Variants in FAT3 observed in about 807,000 individuals in gnomAD.
FAT3 encodes protocadherin Fat 3.
Under a neutral mutation model 310.2 loss-of-function variants are expected in FAT3, and 95 were observed. That is an observed-to-expected ratio of 0.31 (90% CI 0.26 to 0.36). The LOEUF (loss-of-function observed/expected upper bound fraction) is 0.36. FAT3 is among the 10% of genes least tolerant of loss of function. The pLI is 1.00. For missense variants in FAT3, 5,408 were observed against 5,715.6 expected (o/e 0.95, Z 1.74); for synonymous variants, 2,314 against 2,192.9 (o/e 1.06, Z -1.54).
chr11:92,490,605 T>C (rs1952572493), intron 2 of FAT3, among the ~76,000 whole-genome samples: 1 of 152,142 alleles, frequency 6.6e-6, no homozygotes, highest in Non-Finnish European at 1.5e-5. Flanking sequence ...AAGTGATTAT[T>C]ATTTCTAATT....
chr11:92,769,738 C>T (rs553799014), intron 6 of FAT3, among the ~76,000 whole-genome samples: 25 of 152,292 alleles, frequency 1.6e-4, no homozygotes, highest in African/African-American at 5.3e-4. Context: ...AGTGATAGAA[C>T]GTAGTTCCAA....
In FAT3 at chr11:92,800,405, G is replaced by C. The variant is rs1947304829; in HGVS notation, c.7392G>C (p.Leu2464=). The change falls in exon 10 of 28, where the codon CTG becomes CTC. Residue 2464 remains leucine (L), a synonymous_variant. Coordinates refer to ENST00000525166, the MANE Select transcript of FAT3 (RefSeq NM_001367949.2). ...SNHRKQRMEP[L]YSLNVSVSDG... is the part of the protein sequence containing the mutation. ...ATCGGAAGCAGCGGATGGAGCCTCT[G>C]TACAGTCTCAATGTGTCTGTCTCTG... The C allele has an allele frequency of 7.4e-6, 12 of 1,614,012 alleles. No homozygotes were observed. Among genetic ancestry groups the C allele is most frequent in the Non-Finnish European group, 1.0e-5 (12 of 1,179,880 alleles).
chr11:92,366,928 G>T, intron 2 of FAT3: 1 of 531,012 alleles, frequency 1.9e-6, no homozygotes, highest in South Asian at 1.4e-5. Flanking sequence ...CCTGGGCCTC[G>T]CCATGCTTTG....
chr11:92,266,389 C>T (rs780844476), intron 1 of FAT3, among the ~76,000 whole-genome samples: 30 of 152,122 alleles, frequency 2.0e-4, no homozygotes, highest in South Asian at 4.1e-4. Context: ...GTGTTTGACA[C>T]GTACAAATCC....
intron 3 of FAT3, among the ~76,000 whole-genome samples, chr11:92,540,737 A>ATGTT (rs1954419835): frequency 7.5e-6 from 1 of 134,168 alleles, no homozygotes; most frequent in African/African-American, 2.7e-5. Context: ...GAACTATGGC[A>ATGTT]TGTTTTTGTT....
chr11:92,720,905 G>A (rs1944841026), intron 4 of FAT3, among the ~76,000 whole-genome samples: 1 of 152,134 alleles, frequency 6.6e-6, no homozygotes, highest in African/African-American at 2.4e-5. Context: ...TTGTGTGATA[G>A]TCCAGGATTC....
intron 2 of FAT3, among the ~76,000 whole-genome samples, chr11:92,426,457 A>G (rs766287774): frequency 1.3e-5 from 2 of 152,144 alleles, no homozygotes; most frequent in African/African-American, 2.4e-5. Context: ...GCCCATGCCT[A>G]TGTCCTGAAA....
chr11:92,484,509 T>C (rs1372942085), intron 2 of FAT3, among the ~76,000 whole-genome samples: 1 of 152,132 alleles, frequency 6.6e-6, no homozygotes, highest in Non-Finnish European at 1.5e-5. Flanking sequence ...AGGGCGATGA[T>C]GAAAAACTAC....
intron 4 of FAT3, among the ~76,000 whole-genome samples, chr11:92,701,512 A>G (rs112590320): frequency 2.0e-5 from 3 of 152,242 alleles, no homozygotes; most frequent in Non-Finnish European, 4.4e-5. Context: ...ATACTTCTTC[A>G]GTGAATTCTA....
At chr11:92,368,107 C>T (rs1434190587) in intron 2 of FAT3, among the ~76,000 whole-genome samples, 1 of 152,144 alleles carries the variant, frequency 6.6e-6, no homozygotes, top group Non-Finnish European at 1.5e-5. Flanking sequence ...TGACACACCT[C>T]TCTAATGTTT....
chr11:92,321,905 TA>T (rs2134498147), intron 1 of FAT3, among the ~76,000 whole-genome samples: 1 of 152,298 alleles, frequency 6.6e-6, no homozygotes, highest in East Asian at 1.9e-4. Context: ...CAAGAGAGTA[TA>T]AACCAGATCA....
intron 18 of FAT3, among the ~76,000 whole-genome samples, chr11:92,843,372 T>C (rs1196178645): frequency 6.6e-6 from 1 of 152,234 alleles, no homozygotes; most frequent in East Asian, 1.9e-4. Flanking sequence ...GGATGTTCTG[T>C]TCATTCTTAC....
rs139228745 is a variant in FAT3 at position 92,460,409 on chromosome 11, G to A, written c.3293-64225G>A. 3.9e-5 allele frequency among the ~76,000 whole-genome samples: 6 copies of A among 152,246 alleles called. No individual in the cohort carries two copies. The East Asian group carries it at 1.2e-3, about 29-fold the overall frequency. On this transcript the variant is annotated intron_variant, in intron 2 of 27. Transcript: ENST00000525166. The stretch of plus-strand genomic sequence containing the variant: ...ACAGGTCCAGCTCTAACCCACAGGC[G>A]AACGGCAGGGCTGGACTAATTACGC...
At chr11:92,821,259 G>C (rs1044946233) in intron 13 of FAT3, among the ~76,000 whole-genome samples, 1 of 152,190 alleles carries the variant, frequency 6.6e-6, no homozygotes, top group East Asian at 1.9e-4. Flanking sequence ...GGATTGAAAA[G>C]GAGATTATCA....
intron 9 of FAT3, among the ~76,000 whole-genome samples, chr11:92,793,210 T>G (rs1286359629): frequency 2.6e-5 from 4 of 152,196 alleles, no homozygotes; most frequent in Admixed American, 1.3e-4. Flanking sequence ...TGTTTGATCT[T>G]GGATTTTTCT....
chr11:92,855,701 G>C (rs778439654), intron 19 of FAT3, among the ~76,000 whole-genome samples: 15 of 152,292 alleles, frequency 9.8e-5, no homozygotes, highest in Non-Finnish European at 1.6e-4. Context: ...GTATTTCAGG[G>C]CATTTAAGTA....
At chr11:92,588,638 T>TGAGG (rs1555092613) in intron 3 of FAT3, among the ~76,000 whole-genome samples, 1 of 151,886 alleles carries the variant, frequency 6.6e-6, no homozygotes, top group African/African-American at 2.4e-5. Context: ...AGTAAGAGAC[T>TGAGG]TGGTGCAGAC....
chr11:92,236,388 C>T (rs1012170100), intron 1 of FAT3, among the ~76,000 whole-genome samples: 4 of 151,218 alleles, frequency 2.6e-5, no homozygotes, highest in African/African-American at 9.7e-5. Context: ...TCCCCCTCTC[C>T]TTTTTTTTTG....
Position 92,681,040 on chromosome 11 carries a change from G to A in FAT3, c.3608-16344G>A, listed in dbSNP as rs140566048. 8.1e-3 allele frequency among the ~76,000 whole-genome samples: 1,231 copies of A among 152,344 alleles called. 19 individuals are homozygous for A. The highest frequency in any genetic ancestry group is 0.028 in the African/African-American group (1,161 of 41,584). On this transcript the variant is annotated intron_variant, in intron 3 of 27. Transcript: ENST00000525166. ...GCAAGGACAGGAGGGCTTCAGCAAT[G>A]TTTGGAAGTATTTTTTATATAGACA...
Sources: gnomAD v4.1 joint callset for allele counts (sites outside exome capture counted in the v4.1 genomes callset) on GRCh38, gnomAD v4.1.1 for gene constraint, MANE v1.5 for transcripts, NCBI Gene and HGNC (gene_info 2026-07-23, HGNC 2026-07-21) for gene names.